Variants in WDPCP observed in about 807,000 individuals in gnomAD.
WDPCP encodes the protein WD repeat-containing and planar cell polarity effector protein fritz homolog.
In WDPCP, 71 loss-of-function variants were observed where a neutral mutation model predicts 93.1. The observed-to-expected ratio is 0.76, with a 90% CI of 0.63 to 0.93. The LOEUF is 0.93. Among genes scored for constraint, WDPCP ranks in the 40% least tolerant of loss-of-function variants. The probability of loss-of-function intolerance (pLI) is 0.00; values close to 1 mark genes in which losing one functional copy is unlikely to be tolerated. For synonymous variants in WDPCP, 315 were observed against 315.0 expected, an observed-to-expected ratio of 1.00 and a Z score of 0.00; for missense variants, 844 against 887.4, an observed-to-expected ratio of 0.95 and a Z score of 0.62.
chr2:63,759,531 T>C (rs1670021961), intron 2 of WDPCP, among the ~76,000 whole-genome samples: 1 of 152,220 alleles, frequency 6.6e-6, no homozygotes, highest in Admixed American at 6.5e-5. Flanking sequence ...GGAACTAATA[T>C]ATAAATCTTT....
At chr2:63,803,871 T>C (rs1670727401) in intron 2 of WDPCP, among the ~76,000 whole-genome samples, 1 of 152,216 alleles carries the variant, frequency 6.6e-6, no homozygotes, top group South Asian at 2.1e-4. Flanking sequence ...GTGTTTAGTT[T>C]TAGATATGTA....
intron 1 of WDPCP, 50 bp downstream of exon 1, chr2:63,588,147 C>T: frequency 1.3e-6 from 2 of 1,547,942 alleles, no homozygotes; most frequent in East Asian, 2.4e-5. Flanking sequence ...CAACCGCATT[C>T]CGGATCCTAA....
intron 6 of WDPCP, among the ~76,000 whole-genome samples, chr2:63,447,467 A>G (rs1697945410): frequency 6.6e-6 from 1 of 152,184 alleles, no homozygotes; most frequent in Admixed American, 6.5e-5. Context: ...GGTTTTAAAG[A>G]GATGCTAGAA....
chr2:63,314,982 A>G (rs561338178), intron 12 of WDPCP, among the ~76,000 whole-genome samples: 9 of 152,328 alleles, frequency 5.9e-5, no homozygotes, highest in African/African-American at 1.7e-4. Context: ...GTAATGATAC[A>G]TGGTAAAATT....
At chr2:63,161,287 CAT>C (rs1034480133) in intron 15 of WDPCP, among the ~76,000 whole-genome samples, 1 of 151,098 alleles carries the variant, frequency 6.6e-6, no homozygotes, top group African/African-American at 2.4e-5. Context: ...ATAATTTTTG[CAT>C]ATATATATAT....
intron 3 of WDPCP, among the ~76,000 whole-genome samples, chr2:63,600,911 T>G (rs1709406128): frequency 6.6e-6 from 1 of 152,186 alleles, no homozygotes. Context: ...AACAAGAAAG[T>G]TCCTACAACA....
chr2:63,522,631 T>G (rs1703030569), intron 1 of WDPCP, among the ~76,000 whole-genome samples: 1 of 152,056 alleles, frequency 6.6e-6, no homozygotes. Context: ...AAAAAGGATG[T>G]CACCACTTGC....
chr2:63,464,585 C>T (rs1009759651), intron 6 of WDPCP, among the ~76,000 whole-genome samples: 5 of 151,944 alleles, frequency 3.3e-5, no homozygotes, highest in Non-Finnish European at 7.4e-5. Context: ...TTTGCACACT[C>T]ATCTTCATAG....
chr2:63,531,431 C>T (rs889456801), intron 1 of WDPCP, among the ~76,000 whole-genome samples: 1 of 152,180 alleles, frequency 6.6e-6, no homozygotes, highest in African/African-American at 2.4e-5. Context: ...CTGGGAGACA[C>T]CTCCCAGTAG....
At chr2:63,158,131 ATTTC>A (rs1672387272) in intron 15 of WDPCP, among the ~76,000 whole-genome samples, 1 of 151,612 alleles carries the variant, frequency 6.6e-6, no homozygotes, top group South Asian at 2.1e-4. Context: ...AATTTTCTCT[ATTTC>A]TTTCTGTTAT....
At chr2:63,318,016 G>A (rs1686794947) in intron 12 of WDPCP, among the ~76,000 whole-genome samples, 1 of 152,038 alleles carries the variant, frequency 6.6e-6, no homozygotes, top group South Asian at 2.1e-4. Context: ...CACAAACTAT[G>A]CATTTGGCAA....
At chr2:63,166,270 T>G (rs1289109382) in intron 15 of WDPCP, among the ~76,000 whole-genome samples, 1 of 152,084 alleles carries the variant, frequency 6.6e-6, no homozygotes. Context: ...TTTCACCATG[T>G]TGGCCAGGCT....
intron 6 of WDPCP, among the ~76,000 whole-genome samples, chr2:63,480,410 A>G (rs1208217492): frequency 6.6e-6 from 1 of 152,150 alleles, no homozygotes; most frequent in East Asian, 1.9e-4. Flanking sequence ...GGAACCAAAA[A>G]AGGGCCCGCA....
intron 2 of WDPCP, among the ~76,000 whole-genome samples, chr2:63,777,423 T>G (rs1670320867): frequency 6.6e-6 from 1 of 152,144 alleles, no homozygotes; most frequent in African/African-American, 2.4e-5. Flanking sequence ...AAGTTAAACA[T>G]ACCGCTACCA....
intron 6 of WDPCP, among the ~76,000 whole-genome samples, chr2:63,479,425 C>CAA (rs1411724076): frequency 6.6e-6 from 1 of 151,984 alleles, no homozygotes; most frequent in Non-Finnish European, 1.5e-5. Context: ...AATATAGATG[C>CAA]AAAAATCCTT....
At chr2:63,776,655 CAAAAAAA>C (rs778768889) in intron 2 of WDPCP, among the ~76,000 whole-genome samples, 2 of 54,020 alleles carry the variant, frequency 3.7e-5, no homozygotes, top group Middle Eastern at 8.3e-3. Flanking sequence ...GGCCCTGTCT[CAAAAAAA>C]AAAAAAAAAA....
At chr2:63,568,580 A>G (rs1437450306) in intron 1 of WDPCP, among the ~76,000 whole-genome samples, 1 of 152,206 alleles carries the variant, frequency 6.6e-6, no homozygotes, top group African/African-American at 2.4e-5. Context: ...GAGTACACCA[A>G]ACAAAGGAGA....
intron 3 of WDPCP, among the ~76,000 whole-genome samples, chr2:63,611,641 G>T (rs1709616354): frequency 6.6e-6 from 1 of 152,158 alleles, no homozygotes; most frequent in South Asian, 2.1e-4. Flanking sequence ...GATCTTGATG[G>T]CTTTAAACAA....
intron 9 of WDPCP, among the ~76,000 whole-genome samples, chr2:63,417,155 T>G (rs1409278572): frequency 2.0e-5 from 3 of 152,208 alleles, no homozygotes; most frequent in African/African-American, 7.2e-5. Flanking sequence ...AGCCCTGGAT[T>G]ATTTGGCAAG....
Sources: allele counts gnomAD v4.1 joint callset (sites outside exome capture counted in the v4.1 genomes callset), GRCh38; gene constraint gnomAD v4.1.1; transcripts MANE v1.5; gene names NCBI Gene and HGNC (gene_info 2026-07-23, HGNC 2026-07-21).